AGBL4: variants seen among roughly 807,000 people sequenced by gnomAD.
AGBL4 encodes the protein cytosolic carboxypeptidase 6.
A neutral mutation model predicts 66.4 loss-of-function variants in AGBL4; 58 were observed. That is an observed-to-expected ratio of 0.87 (90% CI 0.71 to 1.09). The LOEUF is 1.09. Among genes scored for constraint, AGBL4 ranks in the 50% least tolerant of loss-of-function variants. The pLI is 0.00. For missense variants in AGBL4, 579 were observed against 631.0 expected (o/e 0.92, Z 0.88); for synonymous variants, 234 against 222.9 (o/e 1.05, Z -0.44).
At chr1:48,727,797 C>T in intron 6 of AGBL4, 1 of 1,291,780 alleles carries the variant, frequency 7.7e-7, no homozygotes, top group Non-Finnish European at 1.1e-6. Flanking sequence ...CACCACCATG[C>T]ACGGTGGGGT....
chr1:49,815,848 C>G (rs1394291050), intron 2 of AGBL4, among the ~76,000 whole-genome samples: 1 of 152,070 alleles, frequency 6.6e-6, no homozygotes, highest in Non-Finnish European at 1.5e-5. Flanking sequence ...CTTTTGAAAA[C>G]TAGCTGTTTC....
intron 3 of AGBL4, among the ~76,000 whole-genome samples, chr1:49,489,269 C>T (rs1647137376): frequency 6.6e-6 from 1 of 151,874 alleles, no homozygotes; most frequent in African/African-American, 2.4e-5. Context: ...ACTTGCATTT[C>T]CCTAATGATC....
intron 6 of AGBL4, among the ~76,000 whole-genome samples, chr1:48,810,421 C>A (rs1646023015): frequency 6.6e-6 from 1 of 152,232 alleles, no homozygotes; most frequent in Admixed American, 6.5e-5. Context: ...TCAAGGTCCC[C>A]TTCAGAGGCA....
At chr1:49,667,430 C>T (rs1293096744) in intron 3 of AGBL4, among the ~76,000 whole-genome samples, 1 of 151,816 alleles carries the variant, frequency 6.6e-6, no homozygotes, top group African/African-American at 2.4e-5. Flanking sequence ...TGCACTCTAG[C>T]CTGGCCAACA....
At chr1:49,208,416 C>T (rs1041404272) in intron 4 of AGBL4, among the ~76,000 whole-genome samples, 2 of 152,068 alleles carry the variant, frequency 1.3e-5, no homozygotes, top group Admixed American at 6.6e-5. Flanking sequence ...TACTCCCCAA[C>T]CTATCACCTC....
intron 1 of AGBL4, among the ~76,000 whole-genome samples, chr1:50,003,760 G>A (rs753886673): frequency 6.6e-6 from 1 of 152,138 alleles, no homozygotes; most frequent in Non-Finnish European, 1.5e-5. Context: ...CTGGAGCAAG[G>A]AAAGGGTAGG....
chr1:49,546,365 T>C (rs1326096526), intron 3 of AGBL4, among the ~76,000 whole-genome samples: 1 of 151,282 alleles, frequency 6.6e-6, no homozygotes, highest in Non-Finnish European at 1.5e-5. Context: ...ATATATTCCA[T>C]CATTATATAT....
chr1:49,650,151 C>T (rs1558132059), intron 3 of AGBL4, among the ~76,000 whole-genome samples: 1 of 152,064 alleles, frequency 6.6e-6, no homozygotes, highest in Non-Finnish European at 1.5e-5. Context: ...ATAGAGACAT[C>T]AGATGCCAAT....
intron 6 of AGBL4, among the ~76,000 whole-genome samples, chr1:48,762,308 T>C (rs1378287314): frequency 3.9e-5 from 6 of 152,228 alleles, no homozygotes; most frequent in Admixed American, 3.3e-4. Context: ...CAACCTAAGA[T>C]AATCTGTTTC....
intron 12 of AGBL4, among the ~76,000 whole-genome samples, chr1:48,539,068 C>G (rs538760855): frequency 6.6e-6 from 1 of 152,244 alleles, no homozygotes; most frequent in Non-Finnish European, 1.5e-5. Context: ...CACCTCCTGA[C>G]CTTCTCTCCT....
At chr1:48,908,586 G>A (rs957537590) in intron 5 of AGBL4, among the ~76,000 whole-genome samples, 1 of 152,188 alleles carries the variant, frequency 6.6e-6, no homozygotes, top group Non-Finnish European at 1.5e-5. Context: ...GCCAGGCAAT[G>A]AGCTGGTGCC....
chr1:49,283,309 TC>T (rs1391250628), intron 3 of AGBL4, among the ~76,000 whole-genome samples: 1 of 151,306 alleles, frequency 6.6e-6, no homozygotes, highest in Admixed American at 6.6e-5. Flanking sequence ...CAGCTGAGGG[TC>T]CTATCTGTTA....
chr1:48,676,736 C>A lies in AGBL4; in HGVS notation c.635-13495G>T, dbSNP rs149676944. 3.8e-3 allele frequency among the ~76,000 whole-genome samples: 574 copies of A among 152,244 alleles called. 3 individuals carry two copies. Among genetic ancestry groups the A allele is most frequent in the African/African-American group, 0.013 (555 of 41,532 alleles). ...TTCCCCTAGGTATGTGAGGCTAATACACTGGCAAGAAACACGGTTTATTTT... is the reference window on the plus strand; with the variant it reads ...TTCCCCTAGGTATGTGAGGCTAATAAACTGGCAAGAAACACGGTTTATTTT... On this transcript the variant is annotated intron_variant, in intron 6 of 13. Transcript: ENST00000371839.
chr1:49,188,633 G>A (rs1360315431), intron 4 of AGBL4, among the ~76,000 whole-genome samples: 2 of 152,074 alleles, frequency 1.3e-5, no homozygotes, highest in African/African-American at 2.4e-5. Flanking sequence ...GGTAGATAAG[G>A]TGCTTCTTAC....
rs767701984 is a variant in AGBL4 at position 48,736,309 on chromosome 1, G to T, written c.635-73068C>A. 6.2e-6 allele frequency: 10 copies of T among 1,613,926 alleles called. No homozygotes were observed. The highest frequency in any genetic ancestry group is 1.7e-4 in the Middle Eastern group (1 of 6,060). ...CTGCATCTTTCTTTTTTTTTGTGGCGACGCCTGTGACGCTTCTGTTTTTCA... is the reference window on the plus strand; with the variant it reads ...CTGCATCTTTCTTTTTTTTTGTGGCTACGCCTGTGACGCTTCTGTTTTTCA... On this transcript the variant is annotated intron_variant, in intron 6 of 13. Coordinates refer to ENST00000371839, the MANE Select transcript of AGBL4 (RefSeq NM_032785.4). The surrounding 1 kb of genome is among the most constrained non-coding windows in gnomAD (Gnocchi z 4.0).
At chr1:49,305,670 G>A (rs187242824) in intron 3 of AGBL4, among the ~76,000 whole-genome samples, 165 of 151,630 alleles carry the variant, frequency 1.1e-3, no homozygotes, top group Non-Finnish European at 1.7e-3. Flanking sequence ...TACTGGTCTC[G>A]GAAAGTAATA....
intron 4 of AGBL4, among the ~76,000 whole-genome samples, chr1:49,185,194 A>G (rs1646993823): frequency 6.6e-6 from 1 of 152,188 alleles, no homozygotes; most frequent in Non-Finnish European, 1.5e-5. Context: ...AGATGCCCGT[A>G]AGTAAGACAG....
chr1:49,936,712 C>A (rs1355347697), intron 1 of AGBL4, among the ~76,000 whole-genome samples: 1 of 152,134 alleles, frequency 6.6e-6, no homozygotes, highest in Non-Finnish European at 1.5e-5. Flanking sequence ...AATTTTCAAC[C>A]CAGAATTTCA....
At chr1:49,163,077 C>T (rs1646568437) in intron 4 of AGBL4, among the ~76,000 whole-genome samples, 1 of 152,256 alleles carries the variant, frequency 6.6e-6, no homozygotes, top group Admixed American at 6.5e-5. Flanking sequence ...AGCTCTTCAG[C>T]AATTGGTAAA....
Sources: gnomAD v4.1 joint callset for allele counts (sites outside exome capture counted in the v4.1 genomes callset) on GRCh38, gnomAD v4.1.1 for gene constraint, Gnocchi (gnomAD v3.1) non-coding constraint, MANE v1.5 for transcripts, NCBI Gene and HGNC (gene_info 2026-07-23, HGNC 2026-07-21) for gene names.